Variants in PCDHA1 observed in about 807,000 individuals in gnomAD.
The protein encoded by PCDHA1 is protocadherin alpha-1.
A neutral mutation model predicts 61.3 loss-of-function variants in PCDHA1; 42 were observed. The ratio of observed to expected loss-of-function variants is 0.69; its 90% CI spans 0.54 to 0.89. The LOEUF is 0.89. PCDHA1 is among the 40% of genes least tolerant of loss of function. The pLI is 0.00. For missense variants in PCDHA1, 1,256 were observed against 1,235.3 expected (o/e 1.02, Z -0.25); for synonymous variants, 610 against 553.8 (o/e 1.10, Z -1.43).
At chr5:140,921,473 C>T (rs2080232887) in intron 1 of PCDHA1, among the ~76,000 whole-genome samples, 1 of 152,186 alleles carries the variant, frequency 6.6e-6, no homozygotes, top group African/African-American at 2.4e-5. Flanking sequence ...CACTACCAAA[C>T]CACTCTACCT....
At chr5:140,921,834 A>G (rs2080429595) in intron 1 of PCDHA1, among the ~76,000 whole-genome samples, 1 of 152,142 alleles carries the variant, frequency 6.6e-6, no homozygotes, top group Non-Finnish European at 1.5e-5. Context: ...ATACACATAT[A>G]GACATATTTA....
intron 1 of PCDHA1, among the ~76,000 whole-genome samples, chr5:140,964,516 C>G (rs1410737676): frequency 6.6e-6 from 1 of 152,006 alleles, no homozygotes; most frequent in African/African-American, 2.4e-5. Flanking sequence ...ACCCAGTGGC[C>G]AGGTCTCTGA....
chr5:140,995,102 C>A (rs976806158), intron 3 of PCDHA1, among the ~76,000 whole-genome samples: 3 of 152,312 alleles, frequency 2.0e-5, no homozygotes, highest in Middle Eastern at 6.8e-3. Context: ...GAGATACATT[C>A]CAAGACCCTC....
intron 3 of PCDHA1, among the ~76,000 whole-genome samples, chr5:140,986,380 G>T (rs1554247980): frequency 6.6e-6 from 1 of 152,130 alleles, no homozygotes; most frequent in African/African-American, 2.4e-5. Flanking sequence ...TGGGGGGAGG[G>T]ACATTAAAGG....
At chr5:140,811,576 C>T (rs1764908062) in intron 1 of PCDHA1, 1 of 152,250 alleles carries the variant, frequency 6.6e-6, no homozygotes, top group Admixed American at 6.5e-5. Flanking sequence ...AATCGCCACA[C>T]TGTCTTCCAC....
intron 1 of PCDHA1, chr5:140,809,632 G>C (rs782493933): frequency 6.7e-7 from 1 of 1,502,482 alleles, no homozygotes; most frequent in Non-Finnish European, 8.9e-7. Flanking sequence ...CAACTTCTTC[G>C]TAAATTTATT....
At chr5:140,905,990 G>A (rs569951946) in intron 1 of PCDHA1, among the ~76,000 whole-genome samples, 5 of 152,280 alleles carry the variant, frequency 3.3e-5, no homozygotes, top group Admixed American at 1.3e-4. Flanking sequence ...GAAAGATGTA[G>A]GCTGGGAGGC....
At chr5:141,006,050 G>A (rs1554260524) in intron 3 of PCDHA1, among the ~76,000 whole-genome samples, 1 of 151,092 alleles carries the variant, frequency 6.6e-6, no homozygotes, top group African/African-American at 2.4e-5. Flanking sequence ...GTAGATGAGA[G>A]TGGAGAAGAA....
At position 140,786,479 on chromosome 5, in the gene PCDHA1, G is replaced by A. The variant is rs1554117403; in HGVS notation, c.189G>A (p.Leu63=). ...GLELAELVPR[L]FRVASKTHRD... ...AGCTGGCGGAGCTGGTGCCTCGCCT[G>A]TTCCGGGTGGCGTCCAAAACACACA... The change falls in exon 1 of 4, where the codon CTG becomes CTA. Residue 63 remains leucine (L), a synonymous_variant. Transcript: ENST00000504120. 1.2e-6 allele frequency: 2 copies of A among 1,613,750 alleles called. No individual in the cohort carries two copies.
chr5:140,941,251 CTT>C (rs1177440606), intron 1 of PCDHA1, among the ~76,000 whole-genome samples: 1 of 121,786 alleles, frequency 8.2e-6, no homozygotes, highest in African/African-American at 3.1e-5. Flanking sequence ...TTCTTTCTTT[CTT>C]TCTCTTTCTT....
intron 1 of PCDHA1, among the ~76,000 whole-genome samples, chr5:140,920,824 C>T (rs537294471): frequency 3.4e-5 from 5 of 145,004 alleles, no homozygotes; most frequent in Admixed American, 1.4e-4. Context: ...AGCCTGGCGA[C>T]GGAGCAAGAC....
intron 1 of PCDHA1, chr5:140,848,451 T>A (rs1450153960): frequency 1.3e-6 from 2 of 1,519,288 alleles, no homozygotes; most frequent in Non-Finnish European, 1.8e-6. Context: ...TTTCTTCTAA[T>A]TTGGAGGCAA....
At chr5:140,795,441 T>G (rs1761958611) in intron 1 of PCDHA1, 1 of 1,614,108 alleles carries the variant, frequency 6.2e-7, no homozygotes, top group African/African-American at 1.3e-5. Flanking sequence ...GAGCATCTGA[T>G]GCAGATATAG....
rs1554118129 is a variant in PCDHA1 at position 140,788,129 on chromosome 5, G to T, written c.1839G>T (p.Pro613=). 6.2e-7 allele frequency: 1 copy of T among 1,613,940 alleles called. No individual in the cohort carries two copies. ...YNAWLSYELQ[P]AAGGARIPFR... ...CGTGGCTGTCCTATGAACTGCAGCCGGCAGCAGGCGGCGCGCGCATCCCGT... is the reference window on the plus strand; with the variant it reads ...CGTGGCTGTCCTATGAACTGCAGCCTGCAGCAGGCGGCGCGCGCATCCCGT... The change falls in exon 1 of 4, where the codon CCG becomes CCT. Residue 613 remains proline, a synonymous_variant. Coordinates refer to ENST00000504120, the MANE Select transcript of PCDHA1 (RefSeq NM_018900.4).
rs1465056587 is a variant in PCDHA1, at chr5:140,851,176, T to G, written c.2394+62492T>G. The G allele has an allele frequency of 9.5e-6, 12 of 1,259,426 alleles. 2 individuals carry two copies. Among genetic ancestry groups the G allele is most frequent in the Non-Finnish European group, 1.2e-5 (12 of 979,742 alleles). The allele number at this position is 1,259,426 out of a possible 1,614,324, so 78.0% of individuals were successfully genotyped here. A position where few individuals can be genotyped will look rare whatever the true frequency, so the allele number is the denominator to read the frequency against. Reference sequence around the variant, plus strand: ...TCTGATGCTATGCTGCCATAACACTTGAAAACCAATTTAGTTGTTAGTCAT... The same window carrying G: ...TCTGATGCTATGCTGCCATAACACTGGAAAACCAATTTAGTTGTTAGTCAT... On this transcript the variant is annotated intron_variant, in intron 1 of 3. Coordinates refer to ENST00000504120, the MANE Select transcript of PCDHA1 (RefSeq NM_018900.4).
At chr5:141,003,087 G>T (rs894210434) in intron 3 of PCDHA1, among the ~76,000 whole-genome samples, 2 of 152,198 alleles carry the variant, frequency 1.3e-5, no homozygotes, top group African/African-American at 4.8e-5. Context: ...AGTTTAACAG[G>T]CCTGGCATTT....
chr5:140,821,929 G>A (rs2150112109), intron 1 of PCDHA1: 2 of 1,614,194 alleles, frequency 1.2e-6, no homozygotes, highest in Non-Finnish European at 1.7e-6. Context: ...GCAGGACCTA[G>A]GGCTGGAGCT....
At chr5:140,802,949 A>G (rs782799537) in intron 1 of PCDHA1, 3 of 1,613,910 alleles carry the variant, frequency 1.9e-6, no homozygotes, top group African/African-American at 1.3e-5. Flanking sequence ...TGCCGCGGTC[A>G]GTGGGTGCGG....
intron 1 of PCDHA1, chr5:140,857,619 A>C (rs1554150364): frequency 6.3e-7 from 1 of 1,596,352 alleles, no homozygotes; most frequent in South Asian, 1.1e-5. Flanking sequence ...CCGCTGGACC[A>C]CGAGGAGCTG....
Sources: gnomAD v4.1 joint callset for allele counts (sites outside exome capture counted in the v4.1 genomes callset) on GRCh38, gnomAD v4.1.1 for gene constraint, MANE v1.5 for transcripts, NCBI Gene and HGNC (gene_info 2026-07-23, HGNC 2026-07-21) for gene names.